The following PLXDC2 variants were observed in gnomAD, a reference collection of about 807,000 sequenced individuals.
The protein encoded by PLXDC2 is plexin domain containing 2.
PLXDC2 carries 40 observed loss-of-function variants against 68.9 expected under a neutral mutation model. The ratio of observed to expected loss-of-function variants is 0.58; its 90% confidence interval spans 0.45 to 0.76. The LOEUF (loss-of-function observed/expected upper bound fraction) is 0.76. Ranked by LOEUF, PLXDC2 falls within the 30% of genes least tolerant of loss-of-function variation. The pLI is 0.00. For synonymous variants in PLXDC2, 243 were observed against 234.2 expected (o/e 1.04, Z -0.34); for missense variants, 644 against 661.9 (o/e 0.97, Z 0.30).
chr10:20,189,414 A>G (rs1002203391), intron 9 of PLXDC2, among the ~76,000 whole-genome samples: 4 of 146,528 alleles, frequency 2.7e-5, no homozygotes, highest in African/African-American at 1.0e-4. Flanking sequence ...CCACACACAC[A>G]TATTGTGTAT....
At chr10:20,229,193 G>A (rs577428907) in intron 12 of PLXDC2, among the ~76,000 whole-genome samples, 1 of 152,130 alleles carries the variant, frequency 6.6e-6, no homozygotes, top group Non-Finnish European at 1.5e-5. Flanking sequence ...ATGAATGAGG[G>A]AAGGGAGACA....
intron 4 of PLXDC2, among the ~76,000 whole-genome samples, chr10:20,117,296 T>C (rs913323656): frequency 6.6e-6 from 1 of 152,194 alleles, no homozygotes; most frequent in African/African-American, 2.4e-5. Context: ...ACAAATACCA[T>C]GTTCATGGAT....
intron 5 of PLXDC2, among the ~76,000 whole-genome samples, chr10:20,145,684 G>A (rs546856454): frequency 6.2e-4 from 94 of 151,930 alleles, no homozygotes; most frequent in Non-Finnish European, 7.1e-4. Flanking sequence ...CGAGTAGCTG[G>A]GACTACAGGC....
At chr10:19,866,635 A>G (rs1837421804) in intron 1 of PLXDC2, among the ~76,000 whole-genome samples, 1 of 152,200 alleles carries the variant, frequency 6.6e-6, no homozygotes, top group African/African-American at 2.4e-5. Flanking sequence ...GAACAAGACA[A>G]TACTGACACC....
At chr10:20,043,492 C>A (rs1461311673) in intron 2 of PLXDC2, 1 of 151,926 alleles carries the variant, frequency 6.6e-6, no homozygotes, top group Non-Finnish European at 1.5e-5. Context: ...TCACAGAAAT[C>A]CAGAGATTAA....
At chr10:20,129,918 T>C (rs1833845613) in intron 4 of PLXDC2, among the ~76,000 whole-genome samples, 1 of 152,148 alleles carries the variant, frequency 6.6e-6, no homozygotes, top group Non-Finnish European at 1.5e-5. Context: ...TGTAGCTTTG[T>C]AGTAGATTTT....
At chr10:20,020,177 A>ATTTTTTT (rs1564659038) in intron 2 of PLXDC2, among the ~76,000 whole-genome samples, 33 of 98,200 alleles carry the variant, frequency 3.4e-4, no homozygotes, top group African/African-American at 1.5e-3. Context: ...ACACCCAGCA[A>ATTTTTTT]ATTTTTTTTT....
intron 7 of PLXDC2, among the ~76,000 whole-genome samples, chr10:20,173,474 A>G (rs1834477085): frequency 6.6e-6 from 1 of 152,200 alleles, no homozygotes; most frequent in East Asian, 1.9e-4. Context: ...GATATTGATC[A>G]AAGAAGATTC....
chr10:19,822,191 GTATATATGCACTATATATAA>G (rs917211689), intron 1 of PLXDC2, among the ~76,000 whole-genome samples: 20 of 148,728 alleles, frequency 1.3e-4, no homozygotes, highest in East Asian at 1.2e-3. Context: ...GCACTATATA[GTATATATGCACTATATATAA>G]TATATATGCA....
chr10:19,865,875 T>G (rs1837405101), intron 1 of PLXDC2, among the ~76,000 whole-genome samples: 1 of 152,198 alleles, frequency 6.6e-6, no homozygotes, highest in African/African-American at 2.4e-5. Context: ...ATGATGCCCT[T>G]AAATCCTCCC....
rs111741089 is a variant in PLXDC2 at position 19,861,132 on chromosome 10, T to G, written c.112+43941T>G. Among the ~76,000 whole-genome samples the G allele has an allele frequency of 5.2e-3, 793 of 152,084 alleles. 3 individuals are homozygous for G. The highest frequency in any genetic ancestry group is 0.018 in the African/African-American group (742 of 41,458). On this transcript the variant is annotated intron_variant, in intron 1 of 13. Coordinates refer to ENST00000377252, the MANE Select transcript of PLXDC2 (RefSeq NM_032812.9). ...TCACTGCAACCTCTGCCTCCCGGGT[T>G]CAAGTGATTCTCCTGCCTCAGCCTC... is the stretch of plus-strand genomic sequence containing the variant.
At chr10:19,859,303 A>C (rs1267142936) in intron 1 of PLXDC2, among the ~76,000 whole-genome samples, 1 of 152,146 alleles carries the variant, frequency 6.6e-6, no homozygotes, top group Non-Finnish European at 1.5e-5. Context: ...ATATTCACAC[A>C]ATAGCAGATG....
intron 4 of PLXDC2, among the ~76,000 whole-genome samples, chr10:20,139,100 C>T (rs552005658): frequency 5.3e-5 from 8 of 152,236 alleles, no homozygotes; most frequent in African/African-American, 1.9e-4. Flanking sequence ...CCCTAAATGA[C>T]TCGATGAGGC....
At chr10:20,093,642 A>G (rs913336678) in intron 4 of PLXDC2, among the ~76,000 whole-genome samples, 2 of 152,204 alleles carry the variant, frequency 1.3e-5, no homozygotes, top group East Asian at 1.9e-4. Context: ...TGCATGAGAG[A>G]AAATAGCTAA....
At chr10:19,906,146 G>A (rs1833153263) in intron 1 of PLXDC2, among the ~76,000 whole-genome samples, 1 of 152,154 alleles carries the variant, frequency 6.6e-6, no homozygotes, top group African/African-American at 2.4e-5. Context: ...ACTAAAGTGT[G>A]AGTGCATGTG....
intron 13 of PLXDC2, among the ~76,000 whole-genome samples, chr10:20,275,006 A>G (rs555146625): frequency 6.6e-6 from 1 of 152,304 alleles, no homozygotes; most frequent in East Asian, 1.9e-4. Flanking sequence ...ACTTGTTAAG[A>G]AATATTCAAC....
In PLXDC2 at chr10:19,950,690, C is replaced by G. The variant is rs558779434; in HGVS notation, c.113-51085C>G. 2.0e-5 allele frequency among the ~76,000 whole-genome samples: 3 copies of G among 152,192 alleles called. No individual in the cohort carries two copies. In the East Asian group the frequency reaches 5.8e-4, roughly 29 times the overall value. On this transcript the variant is annotated intron_variant, in intron 1 of 13. Coordinates refer to ENST00000377252, the MANE Select transcript of PLXDC2 (RefSeq NM_032812.9). ...TGGAACCAAAAAGTAGCCCAAATAG[C>G]CAAAGCAACCCTCAGCAAAAAGAAC...
chr10:19,968,338 G>T (rs987295967), intron 1 of PLXDC2, among the ~76,000 whole-genome samples: 5 of 151,984 alleles, frequency 3.3e-5, no homozygotes, highest in African/African-American at 1.2e-4. Flanking sequence ...GTTGAGACAG[G>T]GTCTCACTCT....
At chr10:20,051,347 C>T (rs1835895097) in intron 3 of PLXDC2, among the ~76,000 whole-genome samples, 1 of 148,100 alleles carries the variant, frequency 6.8e-6, no homozygotes, top group Non-Finnish European at 1.5e-5. Flanking sequence ...ATCAGTTCTC[C>T]TGTGTAACAA....
Sources: gnomAD v4.1 joint callset for allele counts (sites outside exome capture counted in the v4.1 genomes callset) on GRCh38, gnomAD v4.1.1 for gene constraint, MANE v1.5 for transcripts, NCBI Gene and HGNC (gene_info 2026-07-23, HGNC 2026-07-21) for gene names.